The following ADAMTSL1 variants were observed in gnomAD, a reference collection of about 807,000 sequenced individuals.
ADAMTSL1 encodes the protein ADAMTS-like protein 1.
A neutral mutation model predicts 201.8 loss-of-function variants in ADAMTSL1; 126 were observed. The observed-to-expected ratio is 0.62, with a 90% CI of 0.54 to 0.72. ADAMTSL1 has a LOEUF of 0.72. Ranked by LOEUF, ADAMTSL1 falls within the 30% of genes least tolerant of loss-of-function variation. The pLI is 0.00. For missense variants in ADAMTSL1, 2,679 were observed against 2,277.8 expected (o/e 1.18, Z -3.59); for synonymous variants, 1,121 against 903.4 (o/e 1.24, Z -4.32).
chr9:18,028,199 G>T (rs182199047), intron 1 of ADAMTSL1, among the ~76,000 whole-genome samples: 1 of 152,044 alleles, frequency 6.6e-6, no homozygotes, highest in African/African-American at 2.4e-5. Flanking sequence ...TCGTGATATT[G>T]TTAGCTGGTT....
intron 1 of ADAMTSL1, among the ~76,000 whole-genome samples, chr9:18,106,603 T>C (rs1366653251): frequency 9.9e-5 from 15 of 152,228 alleles, no homozygotes; most frequent in Non-Finnish European, 2.1e-4. Flanking sequence ...CAATTCACAA[T>C]TACCTATGAT....
At chr9:18,606,600 A>G (rs1483848146) in intron 4 of ADAMTSL1, among the ~76,000 whole-genome samples, 4 of 152,150 alleles carry the variant, frequency 2.6e-5, no homozygotes, top group African/African-American at 9.7e-5. Flanking sequence ...TTTTAAAGAG[A>G]CTAAATCCCA....
chr9:18,218,083 C>G (rs1413806212), intron 2 of ADAMTSL1, among the ~76,000 whole-genome samples: 1 of 152,076 alleles, frequency 6.6e-6, no homozygotes. Context: ...TTGAGTTTTT[C>G]CTGACATTTT....
intron 13 of ADAMTSL1, 144 bp from the exon 14 acceptor site, chr9:18,706,603 A>T: frequency 1.3e-6 from 1 of 781,788 alleles, no homozygotes. Context: ...CTGAAGCGCC[A>T]TCACAGGACA....
chr9:18,783,181 G>A (rs1821500816), intron 19 of ADAMTSL1, among the ~76,000 whole-genome samples: 1 of 152,148 alleles, frequency 6.6e-6, no homozygotes, highest in Admixed American at 6.5e-5. Flanking sequence ...TGATAAATAA[G>A]GCAAGAACAC....
chr9:18,740,118 G>T (rs1818735781), intron 15 of ADAMTSL1, among the ~76,000 whole-genome samples: 1 of 152,160 alleles, frequency 6.6e-6, no homozygotes, highest in Non-Finnish European at 1.5e-5. Flanking sequence ...AAGCAGGGTT[G>T]AGGGCCTACT....
At chr9:17,907,467 G>C (rs1349583977) in intron 1 of ADAMTSL1, among the ~76,000 whole-genome samples, 1 of 152,202 alleles carries the variant, frequency 6.6e-6, no homozygotes, top group East Asian at 1.9e-4. Context: ...CGCCGGACCA[G>C]GTGGGCTCCC....
At chr9:18,480,355 C>A (rs1289197971) in intron 1 of ADAMTSL1, among the ~76,000 whole-genome samples, 1 of 152,120 alleles carries the variant, frequency 6.6e-6, no homozygotes, top group Non-Finnish European at 1.5e-5. Flanking sequence ...CCTATGTGAT[C>A]CTCCAAGCAT....
intron 2 of ADAMTSL1, among the ~76,000 whole-genome samples, chr9:18,187,935 T>G (rs2132218224): frequency 6.6e-6 from 1 of 152,300 alleles, no homozygotes; most frequent in Middle Eastern, 3.4e-3. Context: ...TTATACATTT[T>G]TGTGATATCT....
chr9:17,947,281 A>C (rs2131364344), intron 1 of ADAMTSL1, among the ~76,000 whole-genome samples: 1 of 149,990 alleles, frequency 6.7e-6, no homozygotes, highest in South Asian at 2.1e-4. Context: ...AATGTAATGA[A>C]AAATTGTAAG....
Position 18,847,366 on chromosome 9 carries a change from T to C in ADAMTSL1, c.4249+17389T>C, listed in dbSNP as rs373130758. Among the ~76,000 whole-genome samples the C allele has an allele frequency of 1.5e-3, 228 of 152,326 alleles. 4 individuals are homozygous for C. In the South Asian group the frequency reaches 0.042, roughly 28 times the overall value. On this transcript the variant is annotated intron_variant, in intron 23 of 28. Coordinates refer to ENST00000380548, the MANE Select transcript of ADAMTSL1 (RefSeq NM_001040272.6). ...CACTTACTGAGTTCCTTCCATGTTT[T>C]CAGCACCATTGAAGGCAGCAGAGAC...
At chr9:18,026,539 A>G (rs1820703873) in intron 1 of ADAMTSL1, among the ~76,000 whole-genome samples, 1 of 151,946 alleles carries the variant, frequency 6.6e-6, no homozygotes, top group Non-Finnish European at 1.5e-5. Flanking sequence ...AACAAATTTT[A>G]TACTCCAGGA....
intron 1 of ADAMTSL1, among the ~76,000 whole-genome samples, chr9:18,025,513 C>A (rs1820654880): frequency 1.3e-5 from 2 of 151,904 alleles, no homozygotes; most frequent in African/African-American, 4.8e-5. Flanking sequence ...GAATAGAGTC[C>A]TTTCCCCATT....
At chr9:18,515,124 T>C (rs1231076346) in intron 2 of ADAMTSL1, among the ~76,000 whole-genome samples, 1 of 152,172 alleles carries the variant, frequency 6.6e-6, no homozygotes, top group African/African-American at 2.4e-5. Flanking sequence ...AATACAGATA[T>C]CTGGGCCCTA....
At chr9:18,053,695 A>G (rs1586953902) in intron 1 of ADAMTSL1, among the ~76,000 whole-genome samples, 1 of 152,204 alleles carries the variant, frequency 6.6e-6, no homozygotes. Flanking sequence ...TTACATTCAT[A>G]TATTAATTCT....
At chr9:18,243,578 C>A (rs987543055) in intron 2 of ADAMTSL1, among the ~76,000 whole-genome samples, 1 of 152,008 alleles carries the variant, frequency 6.6e-6, no homozygotes, top group African/African-American at 2.4e-5. Context: ...CCTCTATAAT[C>A]ATATGTTCAT....
At chr9:18,848,344 T>G (rs1826265757) in intron 23 of ADAMTSL1, among the ~76,000 whole-genome samples, 1 of 152,220 alleles carries the variant, frequency 6.6e-6, no homozygotes, top group South Asian at 2.1e-4. Flanking sequence ...CTACAACCCA[T>G]GTATAATAGA....
upstream of ADAMTSL1, among the ~76,000 whole-genome samples, chr9:18,473,504 A>G (rs1169168703): frequency 6.6e-6 from 1 of 152,226 alleles, no homozygotes; most frequent in Non-Finnish European, 1.5e-5. Flanking sequence ...TAAGTCCTTA[A>G]TAACACAAAA....
intron 20 of ADAMTSL1, 56 bp downstream of exon 20, chr9:18,795,580 T>G (rs1822374294): frequency 6.5e-7 from 1 of 1,530,496 alleles, no homozygotes; most frequent in African/African-American, 1.4e-5. Flanking sequence ...AATGAGTGCC[T>G]ATAGTGTGTC....
Sources: gnomAD v4.1 joint callset for allele counts (sites outside exome capture counted in the v4.1 genomes callset) on GRCh38, gnomAD v4.1.1 for gene constraint, MANE v1.5 for transcripts, NCBI Gene and HGNC (gene_info 2026-07-23, HGNC 2026-07-21) for gene names.